XDH: variants seen among roughly 807,000 people sequenced by gnomAD.
The protein encoded by XDH is xanthine dehydrogenase.
XDH carries 138 observed loss-of-function variants against 156.1 expected under a neutral mutation model. The observed-to-expected ratio is 0.88, with a 90% confidence interval of 0.77 to 1.02. The LOEUF is 1.02. Among genes scored for constraint, XDH ranks in the 50% least tolerant of loss-of-function variants. The pLI is 0.00. For missense variants in XDH, 1,849 were observed against 1,684.9 expected (o/e 1.10, Z -1.71); for synonymous variants, 669 against 625.7 (o/e 1.07, Z -1.03).
At position 31,335,607 on chromosome 2, in the gene XDH, A is replaced by G. The variant is rs1244122264; in HGVS notation, c.*351T>C. ...TAGAGGTTTGTGGGAATCCTCTTCA[A>G]AGGACAGACACCATCAGAACTTGAG... is the stretch of plus-strand genomic sequence containing the variant. On this transcript the variant is annotated 3_prime_UTR_variant, in exon 36 of 36. Coordinates refer to ENST00000379416, the MANE Select transcript of XDH (RefSeq NM_000379.4). 3 of 388,300 alleles carry G rather than the reference A, an allele frequency of 7.7e-6. No individual in the cohort carries two copies. The highest frequency in any genetic ancestry group is 6.1e-5 in the African/African-American group (3 of 48,824). 24.1% of individuals were successfully genotyped at this position (388,300 alleles called of 1,614,324 possible). A position where few individuals can be genotyped will look rare whatever the true frequency, so the allele number is the denominator to read the frequency against.
rs190083422 is a variant in XDH at position 31,373,813 on chromosome 2, T to C, written c.1686+60A>G. On this transcript the variant is annotated intron_variant, in intron 16 of 35. Transcript: ENST00000379416. ...TAGTCATTAGCCGATGGTCAGCCAC[T>C]AGCCAACTCATGTGGCCTGCAAAGT... 5,901 of 1,568,340 alleles carry C rather than the reference T, an allele frequency of 3.8e-3. 23 individuals carry two copies. The highest frequency in any genetic ancestry group is 4.6e-3 in the Non-Finnish European group (5,254 of 1,142,096).
intron 34 of XDH, among the ~76,000 whole-genome samples, chr2:31,338,256 T>C (rs969784571): frequency 6.6e-6 from 1 of 152,208 alleles, no homozygotes; most frequent in Non-Finnish European, 1.5e-5. Flanking sequence ...GCAGGAATTA[T>C]AGGCATAAGA....
At chr2:31,376,965 C>T (rs1159686134) in intron 14 of XDH, 88 bp downstream of exon 14, 3 of 1,516,570 alleles carry the variant, frequency 2.0e-6, no homozygotes, top group Non-Finnish European at 2.7e-6. Flanking sequence ...AGTAATACTA[C>T]TGGTAGTCAT....
At chr2:31,389,650 C>T (rs1686709254) in intron 6 of XDH, 1 of 152,094 alleles carries the variant, frequency 6.6e-6, no homozygotes, top group South Asian at 2.1e-4. Flanking sequence ...AGACAAAGTG[C>T]CAGTGCATTA....
chr2:31,388,631 G>A lies in XDH; in HGVS notation c.496-336C>T, dbSNP rs45528140. Among the ~76,000 whole-genome samples, 1,342 of 152,282 alleles carry A rather than the reference G, an allele frequency of 8.8e-3. 17 individuals carry two copies. The highest frequency in any genetic ancestry group is 0.041 in the South Asian group (199 of 4,826). Reference sequence around the variant, plus strand: ...CTTCAGTGCTGCTTCCTCAGGAAGCGTCTATGAGGGATATTCCCATTGGCT... The same window carrying A: ...CTTCAGTGCTGCTTCCTCAGGAAGCATCTATGAGGGATATTCCCATTGGCT... On this transcript the variant is annotated intron_variant, in intron 6 of 35. Coordinates refer to ENST00000379416, the MANE Select transcript of XDH (RefSeq NM_000379.4).
chr2:31,378,125 A>G (rs1686315529), intron 13 of XDH, among the ~76,000 whole-genome samples: 2 of 57,846 alleles, frequency 3.5e-5, no homozygotes, highest in Non-Finnish European at 7.4e-5. Flanking sequence ...GAAGGAAGGA[A>G]GGAAGGAAGG....
intron 27 of XDH, 144 bp from the exon 28 acceptor site, chr2:31,348,507 T>C: frequency 1.3e-6 from 1 of 747,940 alleles, no homozygotes; most frequent in South Asian, 1.5e-5. Flanking sequence ...GCAGTATGAA[T>C]CTCATGATTT....
chr2:31,365,561 G>C lies in XDH; in HGVS notation c.2457-17C>G, dbSNP rs757153838. The C allele has an allele frequency of 1.9e-6, 3 of 1,614,084 alleles. No homozygotes were observed. Among genetic ancestry groups the C allele is most frequent in the East Asian group, 4.5e-5 (2 of 44,868 alleles). ...CGGCCGGTCCTGGGGGTTACCGACA[G>C]TGTTAGAAGCCTGTGAGCCTTCAAC... On this transcript the variant is annotated splice_polypyrimidine_tract_variant and intron_variant, in intron 22 of 35. Transcript: ENST00000379416.
In XDH at chr2:31,337,825, C is replaced by T. The variant is rs112149048; in HGVS notation, c.3775-8G>A. The stretch of plus-strand genomic sequence containing the variant: ...GGGCGGCTCTCCAACAGCCTGAACA[C>T]AGACAGGGCACAGGGCAGGGGCTCA... On this transcript the variant is annotated splice_polypyrimidine_tract_variant and splice_region_variant and intron_variant, in intron 34 of 35. Coordinates refer to ENST00000379416, the MANE Select transcript of XDH (RefSeq NM_000379.4). 8.1e-6 allele frequency: 13 copies of T among 1,613,820 alleles called. No homozygotes were observed. Among genetic ancestry groups the T allele is most frequent in the African/African-American group, 5.3e-5 (4 of 75,022 alleles).
chr2:31,364,463 C>T (rs1377293660), intron 23 of XDH, among the ~76,000 whole-genome samples: 1 of 151,976 alleles, frequency 6.6e-6, no homozygotes, highest in Admixed American at 6.6e-5. Context: ...TGGCTCCCCA[C>T]CCCTGGAAGC....
Position 31,372,230 on chromosome 2 carries a change from G to A in XDH, c.1854C>T (p.Ile618=). The part of the protein sequence containing the change: ...LVTSTRAHAK[I]KSIDTSEAKK... ...CTCCTCCTGGCGGTGTCACTCACTT[G>A]ATCTTGGCGTGGGCCCGGGTGCTGG... The change falls in exon 17 of 36, where the codon ATC becomes ATT. Residue 618 remains isoleucine (I), a splice_region_variant and synonymous_variant. Coordinates refer to ENST00000379416, the MANE Select transcript of XDH (RefSeq NM_000379.4). 6.2e-7 allele frequency: 1 copy of A among 1,614,172 alleles called. No homozygotes were observed. The highest frequency in any genetic ancestry group is 8.5e-7 in the Non-Finnish European group (1 of 1,180,008).
At chr2:31,372,448 TC>T (rs1352708233) in intron 16 of XDH, 51 bp from the exon 17 acceptor site, 1 of 1,612,142 alleles carries the variant, frequency 6.2e-7, no homozygotes, top group Non-Finnish European at 8.5e-7. Context: ...ACACTGCCCC[TC>T]TATGGGCCCA....
intron 24 of XDH, among the ~76,000 whole-genome samples, chr2:31,360,626 T>C (rs1285283046): frequency 6.6e-6 from 1 of 152,206 alleles, no homozygotes; most frequent in Non-Finnish European, 1.5e-5. Context: ...GTGTACTACC[T>C]GCCCCTTAGC....
rs150698723 is a variant in XDH, at chr2:31,402,695, A to T, written c.197+353T>A. On this transcript the variant is annotated intron_variant, in intron 3 of 35. Transcript: ENST00000379416. ...AATGGAGTGCTGGGCCCATGGTGAG[A>T]AAGAAAACTGGAGAAGAAACCTGGG... Among the ~76,000 whole-genome samples, 154 of 152,306 alleles carry T rather than the reference A, an allele frequency of 1.0e-3. 1 individual carries two copies. In the Middle Eastern group the frequency reaches 0.017, roughly 17 times the overall value.
intron 24 of XDH, among the ~76,000 whole-genome samples, chr2:31,357,792 C>T (rs1212764821): frequency 3.3e-5 from 5 of 151,960 alleles, no homozygotes; most frequent in Admixed American, 3.3e-4. Context: ...TCCTGATACA[C>T]TGTATGCCTG....
chr2:31,376,245 G>C (rs972951136), intron 14 of XDH, among the ~76,000 whole-genome samples: 9 of 150,902 alleles, frequency 6.0e-5, no homozygotes, highest in African/African-American at 1.9e-4. Flanking sequence ...TAACAAGATA[G>C]ATAGTAGTAG....
At position 31,348,338 on chromosome 2, in the gene XDH, G is replaced by A. The variant is rs1558678622; in HGVS notation, c.3077C>T (p.Thr1026Ile). 3.7e-6 allele frequency: 6 copies of A among 1,614,200 alleles called. No individual in the cohort carries two copies. The highest frequency in any genetic ancestry group is 1.7e-5 in the Admixed American group (1 of 60,030). Residue 1026 changes from threonine (T) to isoleucine (I), a missense_variant, in exon 28 of 36, where the codon ACA becomes ATA. Coordinates refer to ENST00000379416, the MANE Select transcript of XDH (RefSeq NM_000379.4). ...GTGGGTCAGCAGCACAGAGCCATCT[G>A]TGTACACATGAAGTAGGGCTCCTGC... ...NQAGALLHVY[T>I]DGSVLLTHGG...
rs1685974652 is a variant in XDH at position 31,368,234 on chromosome 2, C to G, written c.2101-177G>C. 2.0e-5 allele frequency among the ~76,000 whole-genome samples: 3 copies of G among 152,138 alleles called. No homozygotes were observed. The South Asian group carries it at 6.2e-4, about 32-fold the overall frequency. On this transcript the variant is annotated intron_variant, in intron 19 of 35. Transcript: ENST00000379416. ...CTACTATAGCCCAGAGAATCATATTCCTCCATTTCCTCAGCTGTAGGTGGA... is the reference window on the plus strand; with the variant it reads ...CTACTATAGCCCAGAGAATCATATTGCTCCATTTCCTCAGCTGTAGGTGGA...
At chr2:31,338,017 A>C (rs536048298) in intron 34 of XDH, among the ~76,000 whole-genome samples, 200 bp from the exon 35 acceptor site, 1 of 152,362 alleles carries the variant, frequency 6.6e-6, no homozygotes, top group African/African-American at 2.4e-5. Context: ...TCAAGCTAGT[A>C]CATGACTGGA....
Sources: gnomAD v4.1 joint callset for allele counts (sites outside exome capture counted in the v4.1 genomes callset) on GRCh38, gnomAD v4.1.1 for gene constraint, MANE v1.5 for transcripts, NCBI Gene and HGNC (gene_info 2026-07-23, HGNC 2026-07-21) for gene names.